MROH9: variants seen among roughly 807,000 people sequenced by gnomAD.
MROH9 encodes the protein maestro heat like repeat family member 9.
Under a neutral mutation model 98.2 loss-of-function variants are expected in MROH9, and 92 were observed. The ratio of observed to expected loss-of-function variants is 0.94; its 90% CI spans 0.79 to 1.11. The LOEUF (loss-of-function observed/expected upper bound fraction) is 1.11. Among genes scored for constraint, MROH9 ranks in the 50% most tolerant of loss-of-function variants. The pLI, the probability that MROH9 is intolerant of heterozygous loss-of-function variation, is 0.00. For synonymous variants in MROH9, 397 were observed against 368.9 expected, an observed-to-expected ratio of 1.08 and a Z score of -0.87; for missense variants, 1,057 against 1,014.8, an observed-to-expected ratio of 1.04 and a Z score of -0.57.
chr1:171,014,896 C>A (rs1278191076), intron 16 of MROH9: 5 of 448,216 alleles, frequency 1.1e-5, no homozygotes, highest in Admixed American at 2.5e-5. Context: ...CTGGGGTGGG[C>A]CCACCAATCT....
At chr1:170,972,655 C>CA (rs1388181195) in intron 8 of MROH9, among the ~76,000 whole-genome samples, 2 of 151,324 alleles carry the variant, frequency 1.3e-5, no homozygotes, top group African/African-American at 2.4e-5. Flanking sequence ...CTAAAAAATA[C>CA]AAAAAAATAA....
At chr1:170,988,547 C>T (rs994637820) in intron 10 of MROH9, among the ~76,000 whole-genome samples, 1 of 152,182 alleles carries the variant, frequency 6.6e-6, no homozygotes, top group Non-Finnish European at 1.5e-5. Context: ...GCTTCTGCTA[C>T]AGTGAAATCT....
chr1:170,994,085 A>G (rs1651465174), intron 12 of MROH9, among the ~76,000 whole-genome samples: 1 of 152,228 alleles, frequency 6.6e-6, no homozygotes, highest in African/African-American at 2.4e-5. Flanking sequence ...TTGCGCTTAT[A>G]CATAAAAATG....
chr1:170,999,332 A>G (rs113604742), intron 15 of MROH9, among the ~76,000 whole-genome samples: 1 of 152,144 alleles, frequency 6.6e-6, no homozygotes, highest in Non-Finnish European at 1.5e-5. Context: ...TCTTTCCCCC[A>G]AGTCCCCAAA....
At chr1:171,005,653 G>A (rs987860786) in intron 15 of MROH9, among the ~76,000 whole-genome samples, 26 of 151,888 alleles carry the variant, frequency 1.7e-4, no homozygotes, top group African/African-American at 3.4e-4. Context: ...AATTTATTAC[G>A]CCCAACAGGC....
At chr1:170,992,135 C>A in intron 11 of MROH9, 29 bp from the exon 12 acceptor site, 1 of 1,563,842 alleles carries the variant, frequency 6.4e-7, no homozygotes, top group South Asian at 1.2e-5. Context: ...ACATGATTCT[C>A]ATTGTGTGGG....
At chr1:170,936,156 C>T (rs1436367733) in intron 1 of MROH9, among the ~76,000 whole-genome samples, 1 of 151,934 alleles carries the variant, frequency 6.6e-6, no homozygotes, top group Non-Finnish European at 1.5e-5. Flanking sequence ...ATGAGAGAAA[C>T]CACAACTATA....
Position 170,970,731 on chromosome 1 carries a change from T to TGTGTGTGAGA in MROH9, c.481-1016_481-1015insTGTGTGAGAG, listed in dbSNP as rs1491154307. Among the ~76,000 whole-genome samples, 888 of 90,762 alleles carry TGTGTGTGAGA rather than the reference T, an allele frequency of 9.8e-3. 12 individuals are homozygous for TGTGTGTGAGA. Among genetic ancestry groups the TGTGTGTGAGA allele is most frequent in the Middle Eastern group, 0.015 (2 of 130 alleles). 59.5% of individuals were successfully genotyped at this position (90,762 alleles called of 152,430 possible). A position where few individuals can be genotyped will look rare whatever the true frequency, so the allele number is the denominator to read the frequency against. Reference sequence around the variant, plus strand: ...GTGTGTGTGTGTGTGTGTGTGTGTGTGAGAGAGAGAGAGAGAGAGAGAGAG... The same window carrying TGTGTGTGAGA: ...GTGTGTGTGTGTGTGTGTGTGTGTGTGTGTGTGAGAGAGAGAGAGAGAGAGAGAGAGAGAG... On this transcript the variant is annotated intron_variant, in intron 7 of 21. Coordinates refer to ENST00000367759, the MANE Select transcript of MROH9 (RefSeq NM_001163629.2).
intron 6 of MROH9, among the ~76,000 whole-genome samples, chr1:170,962,877 A>G (rs562697836): frequency 3.9e-5 from 6 of 152,286 alleles, no homozygotes; most frequent in African/African-American, 1.4e-4. Context: ...TAAAAATCCT[A>G]GAAGACAACT....
chr1:170,946,982 T>C (rs1463199608), intron 2 of MROH9, among the ~76,000 whole-genome samples: 1 of 151,950 alleles, frequency 6.6e-6, no homozygotes, highest in South Asian at 2.1e-4. Flanking sequence ...TAAATAATAT[T>C]TGATGGTCCT....
At chr1:171,015,485 A>G (rs1652295208) in intron 16 of MROH9, among the ~76,000 whole-genome samples, 1 of 151,948 alleles carries the variant, frequency 6.6e-6, no homozygotes, top group South Asian at 2.1e-4. Flanking sequence ...CCTTAAAGCT[A>G]TTATTTTGGC....
chr1:171,064,512 A>G lies in MROH9; in HGVS notation c.*172A>G, dbSNP rs1484212455. On this transcript the variant is annotated 3_prime_UTR_variant, in exon 22 of 22. Transcript: ENST00000367759. ...TTTTACTGTTACTTCTTAATTCTCTATTCAAATATAGAAATCTGAGAGAAC... is the reference window on the plus strand; with the variant it reads ...TTTTACTGTTACTTCTTAATTCTCTGTTCAAATATAGAAATCTGAGAGAAC... 11 of 590,672 alleles carry G rather than the reference A, an allele frequency of 1.9e-5. No individual in the cohort carries two copies. The highest frequency in any genetic ancestry group is 2.8e-5 in the Non-Finnish European group (10 of 361,800). 36.6% of individuals were successfully genotyped at this position (590,672 alleles called of 1,614,324 possible). A position where few individuals can be genotyped will look rare whatever the true frequency, so the allele number is the denominator to read the frequency against.
At chr1:171,030,901 T>A (rs937339688) in intron 20 of MROH9, among the ~76,000 whole-genome samples, 3 of 152,242 alleles carry the variant, frequency 2.0e-5, no homozygotes, top group African/African-American at 7.2e-5. Flanking sequence ...TATCCCACTA[T>A]TATTGTGTGG....
intron 7 of MROH9, among the ~76,000 whole-genome samples, chr1:170,969,385 C>T (rs1407350526): frequency 1.3e-5 from 2 of 152,248 alleles, no homozygotes; most frequent in East Asian, 3.9e-4. Context: ...TATCCTGTTA[C>T]ATTCCTATTC....
chr1:170,965,750 T>C (rs1159229703), intron 7 of MROH9, among the ~76,000 whole-genome samples: 1 of 152,110 alleles, frequency 6.6e-6, no homozygotes, highest in African/African-American at 2.4e-5. Context: ...ATGTGTGTCC[T>C]AACAAACCAC....
chr1:171,014,387 C>A, intron 16 of MROH9, 133 bp downstream of exon 16: 2 of 764,486 alleles, frequency 2.6e-6, no homozygotes, highest in Non-Finnish European at 3.9e-6. Context: ...TCAAAGCCTG[C>A]TGTTTTATTA....
intron 20 of MROH9, among the ~76,000 whole-genome samples, chr1:171,027,982 T>G (rs1652783910): frequency 6.6e-6 from 1 of 152,228 alleles, no homozygotes; most frequent in South Asian, 2.1e-4. Context: ...TCTCCCATTC[T>G]GTAGGTTGCC....
chr1:170,945,859 A>G (rs1649312044), intron 2 of MROH9, among the ~76,000 whole-genome samples: 1 of 152,106 alleles, frequency 6.6e-6, no homozygotes, highest in African/African-American at 2.4e-5. Flanking sequence ...AAACAAGTGA[A>G]AAACAACCTA....
intron 20 of MROH9, among the ~76,000 whole-genome samples, chr1:171,041,347 ATGTGTG>A (rs377650131): frequency 0.024 from 1,920 of 80,622 alleles, 70 homozygotes; most frequent in African/African-American, 0.077. Context: ...GTATTCCATG[ATGTGTG>A]TGTGTGTGTG....
Sources: gnomAD v4.1 joint callset for allele counts (sites outside exome capture counted in the v4.1 genomes callset) on GRCh38, gnomAD v4.1.1 for gene constraint, MANE v1.5 for transcripts, NCBI Gene and HGNC (gene_info 2026-07-23, HGNC 2026-07-21) for gene names.